Variants in MRPS15 observed in about 807,000 individuals in gnomAD.
MRPS15 encodes mitochondrial ribosomal protein S15, also known as small ribosomal subunit protein uS15m.
MRPS15 carries 25 observed loss-of-function variants against 30.7 expected under a neutral mutation model. The ratio of observed to expected loss-of-function variants is 0.81; its 90% CI spans 0.59 to 1.14. The LOEUF (loss-of-function observed/expected upper bound fraction) is 1.14, where lower values mean the gene tolerates loss of function less well. Among genes scored for constraint, MRPS15 ranks in the 50% most tolerant of loss-of-function variants. MRPS15 has a pLI of 0.00. For missense variants in MRPS15, 313 were observed against 321.7 expected (o/e 0.97, Z 0.21); for synonymous variants, 124 against 120.1 (o/e 1.03, Z -0.21).
chr1:36,460,694 C>T lies in MRPS15; in HGVS notation c.383G>A (p.Arg128Gln), dbSNP rs757441746. Reference sequence around the variant, plus strand: ...CTCCCCAAGGGTCCCCGACCAACTTCGAGCCTCCAGGGATCTGGTGTCCTC... The same window carrying T: ...CTCCCCAAGGGTCCCCGACCAACTTTGAGCCTCCAGGGATCTGGTGTCCTC... The part of the protein sequence containing the change: ...NPEDTRSLEA[R>Q]IIALSVKIRS... The change falls in exon 5 of 8, where the codon CGA (arginine) becomes CAA (glutamine). Residue 128 changes from arginine (R) to glutamine (Q), a missense_variant and splice_region_variant. Arg to Gln is a conservative substitution (Grantham distance 43, BLOSUM62 1). Coordinates refer to ENST00000373116, the MANE Select transcript of MRPS15 (RefSeq NM_031280.4). The T allele has an allele frequency of 1.6e-5, 26 of 1,613,816 alleles. No homozygotes were observed. The highest frequency in any genetic ancestry group is 3.3e-5 in the Admixed American group (2 of 60,012).
chr1:36,457,858 T>G (rs1325170889), intron 6 of MRPS15, 65 bp downstream of exon 6: 2 of 1,506,356 alleles, frequency 1.3e-6, no homozygotes, highest in African/African-American at 2.7e-5. Flanking sequence ...CCCAGAGCCC[T>G]TCCCCTCCGG....
intron 2 of MRPS15, among the ~76,000 whole-genome samples, chr1:36,463,030 T>A (rs1276412956): frequency 6.6e-6 from 1 of 152,088 alleles, no homozygotes. Flanking sequence ...AGTGGCACGA[T>A]CGGCTCACTG....
chr1:36,462,209 G>T, intron 2 of MRPS15, 46 bp from the exon 3 acceptor site: 1 of 1,457,008 alleles, frequency 6.9e-7, no homozygotes, highest in Non-Finnish European at 9.6e-7. Context: ...GTCAACTCTC[G>T]CTGCCCACCC....
In MRPS15 at chr1:36,455,912, G is replaced by A. The variant is rs1649984874; in HGVS notation, c.650C>T (p.Thr217Ile). The stretch of plus-strand genomic sequence containing the variant: ...TCTTCTTCGCTTCTTCAGCTTTTGA[G>A]TCTCCTGGAAAACCTGGGGATGAAA... ...KALCIRVFQE[T>I]QKLKKRRRAL... The change falls in exon 8 of 8, where the codon ACT (threonine) becomes ATT (isoleucine). Residue 217 changes from threonine (T) to isoleucine (I), a missense_variant. Transcript: ENST00000373116. 6.2e-7 allele frequency: 1 copy of A among 1,613,136 alleles called. No individual in the cohort carries two copies.
intron 2 of MRPS15, among the ~76,000 whole-genome samples, chr1:36,463,243 A>T (rs906547489): frequency 6.6e-6 from 1 of 152,270 alleles, no homozygotes; most frequent in Non-Finnish European, 1.5e-5. Context: ...TTGGGATTAC[A>T]GGCGTAAGCC....
intron 3 of MRPS15, among the ~76,000 whole-genome samples, chr1:36,461,783 CT>C (rs1650104306): frequency 6.6e-6 from 1 of 152,106 alleles, no homozygotes; most frequent in Admixed American, 6.6e-5. Flanking sequence ...GGACATACAG[CT>C]TTTGTGAGGA....
intron 6 of MRPS15, 115 bp downstream of exon 6, chr1:36,457,808 G>T: frequency 2.1e-6 from 2 of 971,268 alleles, no homozygotes; most frequent in Non-Finnish European, 1.6e-6. Flanking sequence ...GGAGGCAGGA[G>T]GGAAGCATTT....
At chr1:36,459,078 G>A (rs1043815000) in intron 5 of MRPS15, 2 of 152,336 alleles carry the variant, frequency 1.3e-5, no homozygotes, top group Non-Finnish European at 2.9e-5. Context: ...TCAGAAAACT[G>A]AGTAATAATG....
chr1:36,460,195 G>C (rs1429291371), intron 5 of MRPS15, among the ~76,000 whole-genome samples: 1 of 152,254 alleles, frequency 6.6e-6, no homozygotes, highest in Non-Finnish European at 1.5e-5. Flanking sequence ...TTTTAGTAGA[G>C]ACGGGGTTTC....
rs1650163858 is a variant in MRPS15, at chr1:36,464,197, C to T, written c.79G>A (p.Gly27Ser). Residue 27 changes from glycine to serine, a missense_variant, in exon 1 of 8, where the codon GGC becomes AGC. Coordinates refer to ENST00000373116, the MANE Select transcript of MRPS15 (RefSeq NM_031280.4). Reference sequence around the variant, plus strand: ...AAAGGAAACTTGGCGCTCCCACCGCCCGGCAGCCCGGGTACTAGGACCTGG... The same window carrying T: ...AAAGGAAACTTGGCGCTCCCACCGCTCGGCAGCCCGGGTACTAGGACCTGG... ...VTQVLVPGLP[G>S]GGSAKFPFNQ... is the part of the protein sequence containing the mutation. The T allele has an allele frequency of 6.2e-7, 1 of 1,614,076 alleles. No homozygotes were observed. Among genetic ancestry groups the T allele is most frequent in the Non-Finnish European group, 8.5e-7 (1 of 1,180,004 alleles).
rs1389210002 is a variant in MRPS15, at chr1:36,460,691, C to A, written c.385+1G>T. 1 of 1,613,798 alleles carries A rather than the reference C, an allele frequency of 6.2e-7. No homozygotes were observed. Among genetic ancestry groups the A allele is most frequent in the East Asian group, 2.2e-5 (1 of 44,884 alleles). The stretch of plus-strand genomic sequence containing the variant: ...CCACTCCCCAAGGGTCCCCGACCAA[C>A]TTCGAGCCTCCAGGGATCTGGTGTC... On this transcript the variant is annotated splice_donor_variant, in intron 5 of 7. Transcript: ENST00000373116. LOFTEE classifies it high-confidence loss of function.
intron 5 of MRPS15, chr1:36,459,787 GGAGA>G (rs1363428023): frequency 6.6e-6 from 1 of 152,350 alleles, no homozygotes; most frequent in Non-Finnish European, 1.5e-5. Flanking sequence ...CAATGGCAAA[GGAGA>G]GAAAGTGTGC....
At chr1:36,461,796 C>G (rs551495759) in intron 3 of MRPS15, among the ~76,000 whole-genome samples, 2 of 152,102 alleles carry the variant, frequency 1.3e-5, no homozygotes, top group Non-Finnish European at 2.9e-5. Context: ...TTGTGAGGAA[C>G]AAGAGATGAG....
rs78696152 is a variant in MRPS15 at position 36,461,441 on chromosome 1, G to A, written c.252-129C>T. 1,122 of 851,554 alleles carry A rather than the reference G, an allele frequency of 1.3e-3. 11 individuals carry two copies. The African/African-American group carries it at 0.017, about 13-fold the overall frequency. The allele number at this position is 851,554 out of a possible 1,614,324, so 52.7% of individuals were successfully genotyped here. On this transcript the variant is annotated intron_variant, in intron 3 of 7. Transcript: ENST00000373116. ...TCTGTAGCAAATGAATCTCCCTGGA[G>A]GTGGGGAGCCATTTCCCAGGGATTA...
At chr1:36,460,608 A>G in intron 5 of MRPS15, 84 bp downstream of exon 5, 1 of 1,025,070 alleles carries the variant, frequency 9.8e-7, no homozygotes, top group East Asian at 2.4e-5. Flanking sequence ...GCCCATGTGC[A>G]TGTGCTTGTA....
At chr1:36,459,904 A>G (rs1650062132) in intron 5 of MRPS15, among the ~76,000 whole-genome samples, 1 of 152,236 alleles carries the variant, frequency 6.6e-6, no homozygotes, top group South Asian at 2.1e-4. Flanking sequence ...TTTCACTCAC[A>G]TCTAATGAGG....
rs1650110641 is a variant in MRPS15 at position 36,462,120 on chromosome 1, G to A, written c.219C>T (p.Leu73=). ...LDDDPPPSTL[L]KDYQNVPGIE... The stretch of plus-strand genomic sequence containing the variant: ...TTCCAGGGACATTCTGGTAGTCTTT[G>A]AGCAGCGTAGAGGGAGGTGGGTCAT... Residue 73 remains leucine (L), a synonymous_variant, in exon 3 of 8, where the codon CTC becomes CTT. Coordinates refer to ENST00000373116, the MANE Select transcript of MRPS15 (RefSeq NM_031280.4). 6.2e-7 allele frequency: 1 copy of A among 1,613,144 alleles called. No individual in the cohort carries two copies. Among genetic ancestry groups the A allele is most frequent in the Admixed American group, 1.7e-5 (1 of 59,956 alleles).
intron 2 of MRPS15, among the ~76,000 whole-genome samples, chr1:36,463,495 T>C (rs61772393): frequency 0.024 from 3,630 of 152,302 alleles, 140 homozygotes; most frequent in East Asian, 0.18. Context: ...AATTACATCC[T>C]GCATCTCAGA....
chr1:36,461,810 T>C (rs1330804384), intron 3 of MRPS15, among the ~76,000 whole-genome samples: 1 of 152,088 alleles, frequency 6.6e-6, no homozygotes, highest in Non-Finnish European at 1.5e-5. Context: ...AGATGAGAGA[T>C]TTCTACAAAG....
Sources: gnomAD v4.1 joint callset for allele counts (sites outside exome capture counted in the v4.1 genomes callset) on GRCh38, gnomAD v4.1.1 for gene constraint, MANE v1.5 for transcripts, NCBI Gene and HGNC (gene_info 2026-07-23, HGNC 2026-07-21) for gene names.